Variants in CNTNAP3B observed in about 807,000 individuals in gnomAD.
The protein encoded by CNTNAP3B is contactin-associated protein-like 3B.
CNTNAP3B carries 25 observed loss-of-function variants against 108.9 expected under a neutral mutation model. The observed-to-expected ratio is 0.23, with a 90% CI of 0.17 to 0.32. The LOEUF (loss-of-function observed/expected upper bound fraction) is 0.32, where lower values mean the gene tolerates loss of function less well. CNTNAP3B is among the 10% of genes least tolerant of loss of function. The pLI is 1.00. For synonymous variants in CNTNAP3B, 103 were observed against 473.4 expected (o/e 0.22, Z 10.16); for missense variants, 252 against 1,210.4 (o/e 0.21, Z 11.75).
At chr9:42,018,657 G>A (rs1254545070) in intron 3 of CNTNAP3B, among the ~76,000 whole-genome samples, 1 of 151,740 alleles carries the variant, frequency 6.6e-6, no homozygotes, top group Non-Finnish European at 1.5e-5. Context: ...GGCTCCAGCA[G>A]GATGCTGACT....
chr9:42,042,687 G>A (rs1373432190), intron 3 of CNTNAP3B, among the ~76,000 whole-genome samples: 1 of 97,418 alleles, frequency 1.0e-5, no homozygotes, highest in African/African-American at 4.6e-5. Flanking sequence ...AGGGACTTGG[G>A]CATCCATGAA....
chr9:41,920,947 A>G (rs1334354477), intron 17 of CNTNAP3B, among the ~76,000 whole-genome samples: 1 of 152,302 alleles, frequency 6.6e-6, no homozygotes, highest in Non-Finnish European at 1.5e-5. Flanking sequence ...TCAAACTTGA[A>G]TGCTGAAGAA....
At chr9:41,940,593 G>A (rs1271614660) in intron 13 of CNTNAP3B, among the ~76,000 whole-genome samples, 1 of 152,284 alleles carries the variant, frequency 6.6e-6, no homozygotes, top group Non-Finnish European at 1.5e-5. Context: ...GCCGAGGTGG[G>A]CGGATCACGA....
chr9:42,066,538 T>C (rs191293212), intron 3 of CNTNAP3B, among the ~76,000 whole-genome samples: 425 of 110,044 alleles, frequency 3.9e-3, no homozygotes, highest in African/African-American at 6.0e-3. Flanking sequence ...GTGATTCTCC[T>C]GACTCAGCCT....
chr9:41,992,161 T>C (rs1255452321), intron 7 of CNTNAP3B, among the ~76,000 whole-genome samples: 30 of 123,522 alleles, frequency 2.4e-4, no homozygotes, highest in African/African-American at 9.8e-4. Flanking sequence ...GTTTAATCTA[T>C]GCCAGCTATT....
At chr9:42,052,343 GC>G (rs368608742) in intron 3 of CNTNAP3B, among the ~76,000 whole-genome samples, 736 of 3,224 alleles carry the variant, frequency 0.23, no homozygotes, top group East Asian at 0.37. Flanking sequence ...TTTATGCAAA[GC>G]CTATTTAGAC....
At position 42,125,679 on chromosome 9, in the gene CNTNAP3B, G is replaced by GT. The variant is rs1254531285; in HGVS notation, c.85+3330dup. ...CTACATTTTTTGTTTTTTTTTTTTTGTTTTTTTTTGAGACAGAGTCTCACT... is the reference window on the plus strand; with the variant it reads ...CTACATTTTTTGTTTTTTTTTTTTTGTTTTTTTTTTGAGACAGAGTCTCACT... On this transcript the variant is annotated intron_variant, in intron 1 of 23. Transcript: ENST00000377561. 9.8e-4 allele frequency among the ~76,000 whole-genome samples: 91 copies of GT among 92,516 alleles called. 7 individuals are homozygous for GT. In the East Asian group the frequency reaches 0.012, roughly 12 times the overall value. 60.7% of individuals were successfully genotyped at this position (92,516 alleles called of 152,430 possible).
At chr9:42,079,830 T>C (rs1291423380) in intron 2 of CNTNAP3B, among the ~76,000 whole-genome samples, 1 of 137,172 alleles carries the variant, frequency 7.3e-6, no homozygotes, top group Non-Finnish European at 1.6e-5. Flanking sequence ...TATTTTATGG[T>C]TGTTTTAAAA....
At position 42,121,832 on chromosome 9, in the gene CNTNAP3B, G is replaced by A. The variant is rs1351189593; in HGVS notation, c.85+7178C>T. On this transcript the variant is annotated intron_variant, in intron 1 of 23. Coordinates refer to ENST00000377561, the MANE Select transcript of CNTNAP3B (RefSeq NM_001201380.3). ...CAAGTACACTGTGAAGAACCGTGAGGAGAGATTTTAACCTACTTGCAAGCT... is the reference window on the plus strand; with the variant it reads ...CAAGTACACTGTGAAGAACCGTGAGAAGAGATTTTAACCTACTTGCAAGCT... Among the ~76,000 whole-genome samples, 2 of 140,668 alleles carry A rather than the reference G, an allele frequency of 1.4e-5. 1 individual carries two copies. The highest frequency in any genetic ancestry group is 3.1e-5 in the Non-Finnish European group (2 of 65,316). The allele number at this position is 140,668 out of a possible 152,430, so 92.3% of individuals were successfully genotyped here.
rs1487420523 is a variant in CNTNAP3B at position 42,119,543 on chromosome 9, C to G, written c.85+9467G>C. Among the ~76,000 whole-genome samples, 59 of 126,548 alleles carry G rather than the reference C, an allele frequency of 4.7e-4. 6 individuals carry two copies. In the East Asian group the frequency reaches 0.014, roughly 30 times the overall value. 83.0% of individuals were successfully genotyped at this position (126,548 alleles called of 152,430 possible). The stretch of plus-strand genomic sequence containing the variant: ...CCAAGTCAATCCTAAGCCAAAAGAA[C>G]AAAGCTGGAGGCATCACACTACCTG... On this transcript the variant is annotated intron_variant, in intron 1 of 23. Coordinates refer to ENST00000377561, the MANE Select transcript of CNTNAP3B (RefSeq NM_001201380.3).
Position 42,097,265 on chromosome 9 carries a change from G to A in CNTNAP3B, c.196+7364C>T, listed in dbSNP as rs1219555452. 1.4e-5 allele frequency among the ~76,000 whole-genome samples: 2 copies of A among 140,032 alleles called. 1 individual carries two copies. Among genetic ancestry groups the A allele is most frequent in the Non-Finnish European group, 3.1e-5 (2 of 65,100 alleles). 91.9% of individuals were successfully genotyped at this position (140,032 alleles called of 152,430 possible). ...CCCATCTGGCAGGAGTGCACAGCAG[G>A]CATGGAAAATGGGGATGAGTGCGTC... is the stretch of plus-strand genomic sequence containing the variant. On this transcript the variant is annotated intron_variant, in intron 2 of 23. Coordinates refer to ENST00000377561, the MANE Select transcript of CNTNAP3B (RefSeq NM_001201380.3).
chr9:41,934,687 C>T (rs1321997260), intron 14 of CNTNAP3B, among the ~76,000 whole-genome samples: 15 of 152,404 alleles, frequency 9.8e-5, no homozygotes, highest in Non-Finnish European at 1.8e-4. Flanking sequence ...TTTGTATTTA[C>T]TTGGTAAATA....
chr9:41,930,362 G>T (rs1400370746), intron 14 of CNTNAP3B, among the ~76,000 whole-genome samples: 3 of 152,298 alleles, frequency 2.0e-5, no homozygotes, highest in Non-Finnish European at 4.4e-5. Context: ...GGGCAACATA[G>T]TGAGGCCCCG....
At chr9:42,056,596 C>T (rs1467037039) in intron 3 of CNTNAP3B, among the ~76,000 whole-genome samples, 3 of 137,902 alleles carry the variant, frequency 2.2e-5, no homozygotes, top group Non-Finnish European at 4.6e-5. Context: ...GTGATCTGCC[C>T]ACCTCGGCCT....
In CNTNAP3B at chr9:42,098,122, G is replaced by T. The variant is rs1248483602; in HGVS notation, c.196+6507C>A. On this transcript the variant is annotated intron_variant, in intron 2 of 23. Transcript: ENST00000377561. ...TATACTGTGATCTTCATGGAGTAAG[G>T]TGCTAATGTAAAAAAGTTGATTATT... 7.2e-5 allele frequency among the ~76,000 whole-genome samples: 10 copies of T among 139,318 alleles called. 3 individuals carry two copies. The highest frequency in any genetic ancestry group is 2.8e-4 in the African/African-American group (10 of 35,304). The allele number at this position is 139,318 out of a possible 152,430, so 91.4% of individuals were successfully genotyped here.
At chr9:41,944,594 A>G (rs1391798250) in intron 13 of CNTNAP3B, among the ~76,000 whole-genome samples, 1 of 152,142 alleles carries the variant, frequency 6.6e-6, no homozygotes, top group African/African-American at 2.4e-5. Flanking sequence ...ATGCTCAATT[A>G]AAACAAAAAA....
rs1377773507 is a variant in CNTNAP3B, at chr9:42,113,716, C to G, written c.86-8977G>C. ...ACAAAAAAATAGAAAAAATGAATAACACCTAGTATTTGATAACACAAGAGG... is the reference window on the plus strand; with the variant it reads ...ACAAAAAAATAGAAAAAATGAATAAGACCTAGTATTTGATAACACAAGAGG... On this transcript the variant is annotated intron_variant, in intron 1 of 23. Transcript: ENST00000377561. Among the ~76,000 whole-genome samples the G allele has an allele frequency of 2.9e-5, 4 of 139,390 alleles. 2 individuals carry two copies. Among genetic ancestry groups the G allele is most frequent in the Non-Finnish European group, 6.2e-5 (4 of 64,978 alleles). The allele number at this position is 139,390 out of a possible 152,430, so 91.4% of individuals were successfully genotyped here.
intron 3 of CNTNAP3B, among the ~76,000 whole-genome samples, chr9:42,043,054 C>T (rs1262650647): frequency 2.7e-5 from 4 of 149,146 alleles, no homozygotes; most frequent in South Asian, 2.1e-4. Flanking sequence ...TCCTTAAGCC[C>T]TTTGCTCAGA....
Position 41,929,352 on chromosome 9 carries a change from T to G in CNTNAP3B, c.2330A>C (p.Asp777Ala), listed in dbSNP as rs751950939. ...TDTGQPHSEA[D>A]YTLGPLLCRG... ...GCAGAGCAGTGGCCCCAGTGTATAA[T>G]CTGCTTCGGAATGTGGTTGGCCTGT... The change falls in exon 15 of 24, where the codon GAT (aspartate) becomes GCT (alanine). Residue 777 changes from aspartate to alanine, a missense_variant. Transcript: ENST00000377561. The G allele has an allele frequency of 5.2e-6, 8 of 1,543,666 alleles. 1 individual carries two copies. The highest frequency in any genetic ancestry group is 3.5e-5 in the Admixed American group (2 of 56,472).
Sources: gnomAD v4.1 joint callset for allele counts (sites outside exome capture counted in the v4.1 genomes callset) on GRCh38, gnomAD v4.1.1 for gene constraint, MANE v1.5 for transcripts, NCBI Gene and HGNC (gene_info 2026-07-23, HGNC 2026-07-21) for gene names.